The following LTBP1 variants were observed in gnomAD, a reference collection of about 807,000 sequenced individuals.
LTBP1 encodes the protein latent transforming growth factor beta binding protein 1.
In LTBP1, 129 loss-of-function variants were observed where a neutral mutation model predicts 207.6. The ratio of observed to expected loss-of-function variants is 0.62; its 90% CI spans 0.54 to 0.72. LTBP1 has a LOEUF of 0.72. Ranked by LOEUF, LTBP1 falls within the 30% of genes least tolerant of loss-of-function variation. The pLI is 0.00. For missense variants in LTBP1, 2,281 were observed against 2,217.2 expected, an observed-to-expected ratio of 1.03 and a Z score of -0.58; for synonymous variants, 963 against 833.7, an observed-to-expected ratio of 1.16 and a Z score of -2.67.
At chr2:33,293,055 T>G in intron 19 of LTBP1, 105 bp from the exon 20 acceptor site, 1 of 1,156,186 alleles carries the variant, frequency 8.6e-7, no homozygotes, top group Non-Finnish European at 1.2e-6. Flanking sequence ...AGAATCTGCC[T>G]GGTCTTCTGA....
intron 24 of LTBP1, among the ~76,000 whole-genome samples, chr2:33,318,724 A>G (rs2094309624): frequency 6.6e-6 from 1 of 152,162 alleles, no homozygotes; most frequent in South Asian, 2.1e-4. Context: ...CTATAGCCAG[A>G]GCTTTTATCT....
chr2:33,065,341 G>T (rs1469827870), intron 3 of LTBP1, among the ~76,000 whole-genome samples: 10 of 152,108 alleles, frequency 6.6e-5, no homozygotes, highest in Non-Finnish European at 1.3e-4. Context: ...ATCACTTGAG[G>T]CCATTAGTTT....
chr2:33,280,085 T>C lies in LTBP1; in HGVS notation c.3039T>C (p.Cys1013=). ...CAAGCACTTGTCCAGATGAGCAGTGTGTGAATTCTCCTGGATCTTACCAGT... is the reference window on the plus strand; with the variant it reads ...CAAGCACTTGTCCAGATGAGCAGTGCGTGAATTCTCCTGGATCTTACCAGT... ...LNPSTCPDEQ[C]VNSPGSYQCV... The change falls in exon 19 of 34, where the codon TGT becomes TGC. Residue 1013 remains cysteine (C), a synonymous_variant. Transcript: ENST00000404816. 6.2e-7 allele frequency: 1 copy of C among 1,614,150 alleles called. No homozygotes were observed. The highest frequency in any genetic ancestry group is 8.5e-7 in the Non-Finnish European group (1 of 1,179,992).
chr2:32,968,021 G>A (rs1036737398), intron 2 of LTBP1, among the ~76,000 whole-genome samples: 1 of 152,170 alleles, frequency 6.6e-6, no homozygotes, highest in African/African-American at 2.4e-5. Flanking sequence ...AGGGTGGAGT[G>A]CAGTGGTGCA....
intron 2 of LTBP1, among the ~76,000 whole-genome samples, chr2:33,002,083 G>A (rs569698941): frequency 7.5e-6 from 1 of 134,228 alleles, no homozygotes; most frequent in Admixed American, 7.7e-5. Context: ...TCACTGTTGG[G>A]AAATCCTCCT....
At chr2:33,130,162 C>T (rs1221550489) in intron 4 of LTBP1, among the ~76,000 whole-genome samples, 1 of 152,118 alleles carries the variant, frequency 6.6e-6, no homozygotes, top group Non-Finnish European at 1.5e-5. Context: ...AAGCGATGGA[C>T]TGCAAGTGGG....
At chr2:33,201,056 G>A (rs2089189520) in intron 7 of LTBP1, among the ~76,000 whole-genome samples, 1 of 152,188 alleles carries the variant, frequency 6.6e-6, no homozygotes, top group Non-Finnish European at 1.5e-5. Context: ...AACCATTGTG[G>A]AAGTCAGTGT....
At chr2:33,190,563 G>T (rs987887816) in intron 7 of LTBP1, among the ~76,000 whole-genome samples, 3 of 152,194 alleles carry the variant, frequency 2.0e-5, no homozygotes, top group African/African-American at 7.2e-5. Flanking sequence ...TGTGAGCCCA[G>T]CACTCGGTAG....
intron 30 of LTBP1, among the ~76,000 whole-genome samples, chr2:33,364,590 G>A (rs553110923): frequency 5.9e-5 from 9 of 152,228 alleles, no homozygotes; most frequent in South Asian, 4.1e-4. Flanking sequence ...GAGTGGCTGA[G>A]CAGATGGCAG....
intron 6 of LTBP1, 112 bp downstream of exon 6, chr2:33,187,192 C>T: frequency 1.2e-6 from 1 of 850,352 alleles, no homozygotes. Flanking sequence ...GAAAGGAGTA[C>T]ATGATTTGTG....
At chr2:33,168,477 A>G (rs1280408388) in intron 5 of LTBP1, among the ~76,000 whole-genome samples, 2 of 152,038 alleles carry the variant, frequency 1.3e-5, no homozygotes, top group Non-Finnish European at 2.9e-5. Context: ...TTTTTAATCT[A>G]TCAGATTATA....
At chr2:33,131,103 T>C (rs1421597251) in intron 4 of LTBP1, among the ~76,000 whole-genome samples, 1 of 152,210 alleles carries the variant, frequency 6.6e-6, no homozygotes, top group African/African-American at 2.4e-5. Context: ...TCCAGCATCC[T>C]GTGAGTCTTG....
chr2:33,338,846 T>C (rs1446287829), intron 24 of LTBP1, among the ~76,000 whole-genome samples: 2 of 151,810 alleles, frequency 1.3e-5, no homozygotes, highest in East Asian at 3.9e-4. Flanking sequence ...AGAGTGCAAA[T>C]TGGGAAGGAG....
At chr2:33,174,963 G>T (rs1243212122) in intron 5 of LTBP1, among the ~76,000 whole-genome samples, 3 of 151,824 alleles carry the variant, frequency 2.0e-5, no homozygotes, top group African/African-American at 7.3e-5. Context: ...TATGTAGAAA[G>T]CTGAAACTGG....
At chr2:33,343,441 T>C (rs1031542483) in intron 25 of LTBP1, among the ~76,000 whole-genome samples, 1 of 151,476 alleles carries the variant, frequency 6.6e-6, no homozygotes, top group Non-Finnish European at 1.5e-5. Flanking sequence ...CTATGGCTTC[T>C]GAAATTGTTA....
At chr2:33,041,324 G>A (rs759409618) in intron 3 of LTBP1, among the ~76,000 whole-genome samples, 39 of 151,242 alleles carry the variant, frequency 2.6e-4, no homozygotes, top group African/African-American at 8.5e-4. Flanking sequence ...TCGCTGTGTC[G>A]CCCAGGCTGG....
At chr2:33,158,086 A>G (rs961591195) in intron 5 of LTBP1, among the ~76,000 whole-genome samples, 1 of 149,218 alleles carries the variant, frequency 6.7e-6, no homozygotes, top group Admixed American at 6.7e-5. Flanking sequence ...CAGCAAGCCA[A>G]GATTGTGCCA....
chr2:33,297,334 CT>C (rs998222848), intron 20 of LTBP1, among the ~76,000 whole-genome samples: 3 of 151,742 alleles, frequency 2.0e-5, no homozygotes, highest in South Asian at 2.1e-4. Flanking sequence ...TTATTGTTCC[CT>C]TTTTTTTGCA....
intron 3 of LTBP1, among the ~76,000 whole-genome samples, chr2:33,050,850 C>T (rs12465820): frequency 0.083 from 12,585 of 151,726 alleles, 960 homozygotes; most frequent in East Asian, 0.35. Flanking sequence ...TCTCCTGCCT[C>T]AGCCTCCTGA....
Sources: gnomAD v4.1 joint callset for allele counts (sites outside exome capture counted in the v4.1 genomes callset) on GRCh38, gnomAD v4.1.1 for gene constraint, MANE v1.5 for transcripts, NCBI Gene and HGNC (gene_info 2026-07-23, HGNC 2026-07-21) for gene names.